The following SUPT6H variants were observed in gnomAD, a reference collection of about 807,000 sequenced individuals.
The protein encoded by SUPT6H is SPT6 homolog, histone chaperone and transcription elongation factor.
In SUPT6H, 11 loss-of-function variants were observed where a neutral mutation model predicts 222.3. The observed-to-expected ratio is 0.05, with a 90% confidence interval of 0.03 to 0.08. The LOEUF is 0.08. SUPT6H is among the 10% of genes least tolerant of loss of function. SUPT6H has a pLI of 1.00. For missense variants in SUPT6H, 1,422 were observed against 2,216.0 expected, an observed-to-expected ratio of 0.64 and a Z score of 7.19; for synonymous variants, 762 against 801.2, an observed-to-expected ratio of 0.95 and a Z score of 0.83.
chr17:28,674,646 G>C (rs1361906525), intron 4 of SUPT6H, 33 bp downstream of exon 4: 1 of 1,605,522 alleles, frequency 6.2e-7, no homozygotes, highest in Non-Finnish European at 8.5e-7. Flanking sequence ...TGTCCCTGGG[G>C]GTAAAGGAAA....
chr17:28,689,852 C>A (rs892192808), intron 25 of SUPT6H, among the ~76,000 whole-genome samples: 1 of 152,130 alleles, frequency 6.6e-6, no homozygotes, highest in African/African-American at 2.4e-5. Flanking sequence ...TTTCTAACAG[C>A]ACAGCTTTGC....
intron 13 of SUPT6H, 89 bp downstream of exon 13, chr17:28,682,069 G>A (rs2031141576): frequency 3.8e-6 from 4 of 1,055,834 alleles, no homozygotes; most frequent in Non-Finnish European, 5.5e-6. Flanking sequence ...GAAAAAGAAA[G>A]GCTATCTGGG....
At chr17:28,683,495 C>T (rs1371680863) in intron 16 of SUPT6H, 73 bp downstream of exon 16, 1 of 1,594,952 alleles carries the variant, frequency 6.3e-7, no homozygotes, top group African/African-American at 1.3e-5. Flanking sequence ...AAGGGCCCCT[C>T]AGGAGTGGGG....
chr17:28,696,440 T>C (rs749917900), intron 29 of SUPT6H, among the ~76,000 whole-genome samples: 1 of 146,810 alleles, frequency 6.8e-6, no homozygotes, highest in Non-Finnish European at 1.5e-5. Context: ...CTACTAAAAA[T>C]ACAAAAACTA....
At chr17:28,687,012 C>T (rs1401799753) in intron 21 of SUPT6H, 76 bp from the exon 22 acceptor site, 1 of 1,567,330 alleles carries the variant, frequency 6.4e-7, no homozygotes, top group Admixed American at 1.9e-5. Context: ...TGATTTAAAC[C>T]AGAATGGTTT....
chr17:28,673,292 G>C, intron 1 of SUPT6H, 79 bp from the exon 2 acceptor site: 2 of 772,412 alleles, frequency 2.6e-6, no homozygotes, highest in Admixed American at 4.5e-5. Flanking sequence ...TTGCTAAAAG[G>C]CTGTTTGTGG....
chr17:28,681,276 T>C lies in SUPT6H; in HGVS notation c.1370T>C (p.Met457Thr). ...DMERLKDVQS[M>T]DELKDVYNHF... ...TTCAGGCTCAAGGATGTCCAATCAA[T>C]GGATGAGCTGAAAGATGTCTACAAC... Residue 457 changes from methionine to threonine, a missense_variant, in exon 12 of 37, where the codon ATG becomes ACG. Coordinates refer to ENST00000314616, the MANE Select transcript of SUPT6H (RefSeq NM_003170.5). 2 of 1,613,934 alleles carry C rather than the reference T, an allele frequency of 1.2e-6. No individual in the cohort carries two copies. The highest frequency in any genetic ancestry group is 1.7e-6 in the Non-Finnish European group (2 of 1,179,992).
intron 1 of SUPT6H, among the ~76,000 whole-genome samples, chr17:28,663,564 G>A (rs1408869429): frequency 6.6e-6 from 1 of 151,896 alleles, no homozygotes. Flanking sequence ...TTAATAAATG[G>A]CACTACCATC....
At chr17:28,700,321 C>T (rs1167246208) in intron 34 of SUPT6H, 25 bp from the exon 35 acceptor site, 2 of 1,613,894 alleles carry the variant, frequency 1.2e-6, no homozygotes, top group African/African-American at 1.3e-5. Flanking sequence ...CTAACATGCC[C>T]CTCCCCACCT....
chr17:28,692,422 C>A (rs1266096356), intron 27 of SUPT6H, among the ~76,000 whole-genome samples: 2 of 146,800 alleles, frequency 1.4e-5, no homozygotes, highest in African/African-American at 5.1e-5. Context: ...CACCTGAGGT[C>A]AGGAGTTCCA....
rs779374898 is a variant in SUPT6H, at chr17:28,675,506, G to C, written c.623+21G>C. ...GACGCGTGAGTGGGGTCTGGTACAA[G>C]GTGGGGATAAAGTGATTGAGTGGGC... On this transcript the variant is annotated intron_variant, in intron 6 of 36. Coordinates refer to ENST00000314616, the MANE Select transcript of SUPT6H (RefSeq NM_003170.5). The C allele has an allele frequency of 2.9e-5, 47 of 1,613,534 alleles. 1 individual carries two copies. The South Asian group carries it at 4.6e-4, about 16-fold the overall frequency.
In SUPT6H at chr17:28,681,943, C is replaced by G. The variant is rs2031130477; in HGVS notation, c.1560C>G (p.Arg520=). The G allele has an allele frequency of 6.2e-7, 1 of 1,609,000 alleles. No homozygotes were observed. Among genetic ancestry groups the G allele is most frequent in the African/African-American group, 1.3e-5 (1 of 74,862 alleles). ...QRGPELKQAS[R]RDMYTICQSA... is the part of the protein sequence containing the mutation. ...GGCCTGAGCTCAAGCAAGCCTCTCG[C>G]CGAGACATGTACACCATCTGCCAGA... Residue 520 remains arginine (R), a synonymous_variant, in exon 13 of 37, where the codon CGC becomes CGG. Transcript: ENST00000314616.
At chr17:28,682,613 C>G in intron 13 of SUPT6H, 114 bp from the exon 14 acceptor site, 1 of 1,435,338 alleles carries the variant, frequency 7.0e-7, no homozygotes, top group Non-Finnish European at 9.5e-7. Flanking sequence ...AGAGCGAGAC[C>G]GTCTCAGGAA....
chr17:28,674,662 C>T (rs1471224003), intron 4 of SUPT6H, 49 bp downstream of exon 4: 1 of 1,576,482 alleles, frequency 6.3e-7, no homozygotes, highest in Non-Finnish European at 8.7e-7. Context: ...GGAAAAAGCC[C>T]TGGAAATTTC....
At chr17:28,673,281 G>A (rs1239528564) in intron 1 of SUPT6H, 90 bp from the exon 2 acceptor site, 1 of 693,110 alleles carries the variant, frequency 1.4e-6, no homozygotes, top group East Asian at 2.7e-5. Flanking sequence ...GCAGTGGCAG[G>A]TTGCTAAAAG....
intron 23 of SUPT6H, 149 bp from the exon 24 acceptor site, chr17:28,687,942 T>TA (rs1056319908): frequency 1.4e-5 from 11 of 791,570 alleles, no homozygotes; most frequent in African/African-American, 1.3e-4. Context: ...TTTTTTTTTT[T>TA]AATTTTGAGT....
intron 11 of SUPT6H, among the ~76,000 whole-genome samples, chr17:28,679,831 A>T (rs2030990689): frequency 6.6e-6 from 1 of 150,882 alleles, no homozygotes; most frequent in South Asian, 2.1e-4. Context: ...CTTTACTGAA[A>T]ATACAAAAAT....
At chr17:28,683,116 T>C (rs1282645537) in intron 15 of SUPT6H, 24 bp downstream of exon 15, 4 of 1,577,578 alleles carry the variant, frequency 2.5e-6, no homozygotes, top group East Asian at 2.2e-5. Context: ...AGGGCTTTGA[T>C]CCAAGATGTG....
chr17:28,663,840 T>TTTTTTTTTTTTTTTTTTTTTTTTTTTC (rs2072115651), intron 1 of SUPT6H, among the ~76,000 whole-genome samples: 1 of 121,932 alleles, frequency 8.2e-6, no homozygotes, highest in Non-Finnish European at 1.7e-5. Context: ...TTTTTTTTTT[T>TTTTTTTTTTTTTTTTTTTTTTTTTTTC]TTTTTGTGGA....
Sources: allele counts gnomAD v4.1 joint callset (sites outside exome capture counted in the v4.1 genomes callset), GRCh38; gene constraint gnomAD v4.1.1; transcripts MANE v1.5; gene names NCBI Gene and HGNC (gene_info 2026-07-23, HGNC 2026-07-21).